EPG5: variants seen among roughly 807,000 people sequenced by gnomAD.
EPG5 encodes the protein ectopic P granules protein 5 homolog.
A neutral mutation model predicts 302.7 loss-of-function variants in EPG5; 159 were observed. The observed-to-expected ratio is 0.53, with a 90% CI of 0.46 to 0.60. The LOEUF is 0.60. Ranked by LOEUF, EPG5 falls within the 20% of genes least tolerant of loss-of-function variation. EPG5 has a pLI of 0.00. For missense variants in EPG5, 2,896 were observed against 3,092.4 expected, an observed-to-expected ratio of 0.94 and a Z score of 1.51; for synonymous variants, 1,158 against 1,136.8, an observed-to-expected ratio of 1.02 and a Z score of -0.37.
intron 16 of EPG5, 123 bp from the exon 17 acceptor site, chr18:45,917,942 C>T (rs959805221): frequency 4.5e-6 from 4 of 889,928 alleles, no homozygotes; most frequent in Non-Finnish European, 5.1e-6. Context: ...ATGTTTTATA[C>T]CCAATCTTCA....
At position 45,915,606 on chromosome 18, in the gene EPG5, G is replaced by A. The variant is rs758515302; in HGVS notation, c.3598C>T (p.His1200Tyr). The A allele has an allele frequency of 2.4e-5, 38 of 1,613,910 alleles. No individual in the cohort carries two copies. Among genetic ancestry groups the A allele is most frequent in the Non-Finnish European group, 3.2e-5 (38 of 1,179,932 alleles). The change falls in exon 20 of 44, where the codon CAC (histidine) becomes TAC (tyrosine). Residue 1200 changes from histidine to tyrosine, a missense_variant. His to Tyr is a moderately conservative substitution (Grantham distance 83, BLOSUM62 2). This residue lies in a region of EPG5 where 1,390 missense variants were observed against 1,430.0 expected (regional missense o/e 0.97). Coordinates refer to ENST00000282041, the MANE Select transcript of EPG5 (RefSeq NM_020964.3). ...GATGAGAGCAGACTCCGGTCACAGT[G>A]GTAACCCAAGGCATTCTACACCGGG... ...YQQHKNALGY[H>Y]CDRSLLSSLV... is the part of the protein sequence containing the mutation.
At chr18:45,898,925 G>C (rs908601965) in intron 27 of EPG5, among the ~76,000 whole-genome samples, 1 of 152,154 alleles carries the variant, frequency 6.6e-6, no homozygotes, top group Non-Finnish European at 1.5e-5. Flanking sequence ...AGGAGTTCAA[G>C]ACCAGCCTAA....
At chr18:45,815,505 A>C in the EPG5 span, among the ~76,000 whole-genome samples, 17 of 152,316 alleles carry the variant, frequency 1.1e-4, 1 homozygote, top group South Asian at 8.3e-4. Context: ...GCAACCAAGC[A>C]GAGAATCAAA....
chr18:45,870,627 G>A lies in EPG5; in HGVS notation c.6165C>T (p.Tyr2055=). The change falls in exon 36 of 44, where the codon TAC becomes TAT. Residue 2055 remains tyrosine (Y), a synonymous_variant. Coordinates refer to ENST00000282041, the MANE Select transcript of EPG5 (RefSeq NM_020964.3). ...GCAGGTCCTTCCATGGCAGTTTCCG[G>A]TACGTGCTATGGAAAGCGTACAGAA... ...EFILYAFHST[Y]RKLPWKDLHP... is the part of the protein sequence containing the mutation. The A allele has an allele frequency of 6.2e-7, 1 of 1,613,968 alleles. No individual in the cohort carries two copies. Among genetic ancestry groups the A allele is most frequent in the Non-Finnish European group, 8.5e-7 (1 of 1,179,934 alleles).
At position 45,849,077 on chromosome 18, in the gene EPG5, G is replaced by A. The variant is rs1308296485; in HGVS notation, c.*3390C>T. 2.3e-4 allele frequency: 24 copies of A among 105,848 alleles called. No homozygotes were observed. Among genetic ancestry groups the A allele is most frequent in the Middle Eastern group, 5.2e-3 (1 of 192 alleles). The allele number at this position is 105,848 out of a possible 1,614,324, so 6.6% of individuals were successfully genotyped here. On this transcript the variant is annotated 3_prime_UTR_variant, in exon 44 of 44. Transcript: ENST00000282041. ...CCAGCCTGGGTGACAGATGAGACTC[G>A]TCTCAAAAAAAAAAAAAAAAAAAAG...
chr18:45,835,782 TCA>T, the EPG5 span, among the ~76,000 whole-genome samples: 1 of 152,156 alleles, frequency 6.6e-6, no homozygotes, highest in Admixed American at 6.5e-5. Flanking sequence ...ACTGTGGGAC[TCA>T]CGGCACTGCA....
intron 17 of EPG5, among the ~76,000 whole-genome samples, chr18:45,917,146 T>G (rs1408450950): frequency 6.6e-6 from 1 of 152,114 alleles, no homozygotes. Context: ...GTACTTCATG[T>G]CCCCACTGTA....
At chr18:45,862,029 T>A (rs1366084905) in intron 39 of EPG5, among the ~76,000 whole-genome samples, 1 of 152,204 alleles carries the variant, frequency 6.6e-6, no homozygotes, top group African/African-American at 2.4e-5. Flanking sequence ...CTAAATCCTC[T>A]CTTAAAATTC....
At chr18:45,839,494 G>A in the EPG5 span, among the ~76,000 whole-genome samples, 1 of 152,116 alleles carries the variant, frequency 6.6e-6, no homozygotes, top group Admixed American at 6.5e-5. Flanking sequence ...GGAATACACT[G>A]ATGAATATGG....
chr18:45,930,741 C>T lies in EPG5; in HGVS notation c.2347G>A (p.Ala783Thr), dbSNP rs2050380750. Residue 783 changes from alanine to threonine, a missense_variant, in exon 12 of 44, where the codon GCT (alanine) becomes ACT (threonine). Ala to Thr is a moderately conservative substitution (Grantham distance 58). Around this residue, in one of 5 missense-constraint regions of EPG5, gnomAD observed 1,390 missense variants for 1,430.0 expected, o/e 0.97. Coordinates refer to ENST00000282041, the MANE Select transcript of EPG5 (RefSeq NM_020964.3). ...ICLLTTFAQM[A>T]QARRTNVDED... is the part of the protein sequence containing the mutation. ...TCCACATTGGTTCTTCTGGCCTGAGCCATCTGAGCAAAGGTAGTCAGAAGG... is the reference window on the plus strand; with the variant it reads ...TCCACATTGGTTCTTCTGGCCTGAGTCATCTGAGCAAAGGTAGTCAGAAGG... 6.2e-7 allele frequency: 1 copy of T among 1,611,164 alleles called. No homozygotes were observed. Among genetic ancestry groups the T allele is most frequent in the Middle Eastern group, 1.7e-4 (1 of 6,054 alleles).
intron 22 of EPG5, 132 bp downstream of exon 22, chr18:45,912,157 AG>A (rs2049920320): frequency 1.3e-4 from 23 of 182,872 alleles, no homozygotes; most frequent in Non-Finnish European, 1.9e-4. Flanking sequence ...ACATAGAGAC[AG>A]AGAAAGAGTC....
At chr18:45,857,194 C>G (rs2048533077) in intron 42 of EPG5, among the ~76,000 whole-genome samples, 1 of 152,160 alleles carries the variant, frequency 6.6e-6, no homozygotes, top group South Asian at 2.1e-4. Context: ...ACTGAAACCT[C>G]TGTCTCCCGG....
intron 6 of EPG5, among the ~76,000 whole-genome samples, chr18:45,947,056 TC>T (rs1185013465): frequency 6.6e-6 from 1 of 152,148 alleles, no homozygotes; most frequent in Non-Finnish European, 1.5e-5. Context: ...GGACCTTAAC[TC>T]AAACCAGGCT....
intron 23 of EPG5, among the ~76,000 whole-genome samples, chr18:45,909,459 A>C (rs1424034199): frequency 6.6e-6 from 1 of 152,194 alleles, no homozygotes; most frequent in Non-Finnish European, 1.5e-5. Flanking sequence ...GAGGGCAAAT[A>C]AACCTAAGGC....
intron 41 of EPG5, among the ~76,000 whole-genome samples, chr18:45,858,270 C>G (rs566628322): frequency 6.6e-6 from 1 of 152,174 alleles, no homozygotes; most frequent in Non-Finnish European, 1.5e-5. Context: ...TGATGAACTT[C>G]GTGTTCTTCC....
intron 1 of EPG5, among the ~76,000 whole-genome samples, chr18:45,959,183 G>A (rs2051093625): frequency 6.6e-6 from 1 of 152,180 alleles, no homozygotes; most frequent in Admixed American, 6.5e-5. Flanking sequence ...CCCTTGGGCA[G>A]TTACAAAATT....
At position 45,949,604 on chromosome 18, in the gene EPG5, G is replaced by A. The variant is rs897624471; in HGVS notation, c.1390-13C>T. 1 of 1,526,788 alleles carries A rather than the reference G, an allele frequency of 6.5e-7. No homozygotes were observed. Among genetic ancestry groups the A allele is most frequent in the Non-Finnish European group, 9.1e-7 (1 of 1,103,924 alleles). 94.6% of individuals were successfully genotyped at this position (1,526,788 alleles called of 1,614,324 possible). On this transcript the variant is annotated splice_polypyrimidine_tract_variant and intron_variant, in intron 4 of 43. Coordinates refer to ENST00000282041, the MANE Select transcript of EPG5 (RefSeq NM_020964.3). The stretch of plus-strand genomic sequence containing the variant: ...GTAGCACGGATACCTGAACAATAAA[G>A]GTCATATGATCTCACTATTTTTAAT...
At chr18:45,836,985 A>G in the EPG5 span, 2 of 1,002,716 alleles carry the variant, frequency 2.0e-6, no homozygotes, top group African/African-American at 1.6e-5. Flanking sequence ...TCTGAGCCTC[A>G]GTTTATTCAC....
chr18:45,845,628 C>T (rs1041740539), downstream of EPG5, among the ~76,000 whole-genome samples: 15 of 152,332 alleles, frequency 9.8e-5, no homozygotes, highest in African/African-American at 3.4e-4. Context: ...TGGTGTCCTG[C>T]GGCACGGAGT....
Sources: allele counts gnomAD v4.1 joint callset (sites outside exome capture counted in the v4.1 genomes callset), GRCh38; gene constraint gnomAD v4.1.1; regional missense constraint gnomAD v4.1.1; transcripts MANE v1.5; gene names NCBI Gene and HGNC (gene_info 2026-07-23, HGNC 2026-07-21).